TMEM120B: variants seen among roughly 807,000 people sequenced by gnomAD.
TMEM120B encodes transmembrane protein 120B.
A neutral mutation model predicts 55.5 loss-of-function variants in TMEM120B; 31 were observed. The observed-to-expected ratio is 0.56, with a 90% CI of 0.42 to 0.75. The LOEUF (loss-of-function observed/expected upper bound fraction) is 0.75, where lower values mean the gene tolerates loss of function less well. Ranked by LOEUF, TMEM120B falls within the 30% of genes least tolerant of loss-of-function variation. The probability of loss-of-function intolerance (pLI) is 0.00; values close to 1 mark genes in which losing one functional copy is unlikely to be tolerated. For missense variants in TMEM120B, 399 were observed against 425.5 expected (o/e 0.94, Z 0.55); for synonymous variants, 203 against 176.3 (o/e 1.15, Z -1.20).
Position 121,776,010 on chromosome 12 carries a change from C to T in TMEM120B, c.*288C>T. 1.7e-6 allele frequency: 1 copy of T among 592,192 alleles called. No homozygotes were observed. The highest frequency in any genetic ancestry group is 2.1e-5 in the South Asian group (1 of 48,548). 36.7% of individuals were successfully genotyped at this position (592,192 alleles called of 1,614,324 possible). On this transcript the variant is annotated 3_prime_UTR_variant, in exon 12 of 12. Coordinates refer to ENST00000449592, the MANE Select transcript of TMEM120B (RefSeq NM_001080825.2). ...CGGGCCAGTCTTCCTGGGGATGGGG[C>T]CTGAAGCCTCAGGGAGCCCCTCTGT...
At position 121,775,615 on chromosome 12, in the gene TMEM120B, G is replaced by A. The variant is rs1375456790; in HGVS notation, c.913G>A (p.Val305Ile). The A allele has an allele frequency of 1.2e-6, 2 of 1,613,510 alleles. No homozygotes were observed. Among genetic ancestry groups the A allele is most frequent in the Non-Finnish European group, 1.7e-6 (2 of 1,179,756 alleles). The part of the protein sequence containing the change: ...HEECREWQVF[V>I]LAFTFLILFL... Reference sequence around the variant, plus strand: ...CCTCTCTGGACTCCCCCAGGTGTTCGTACTGGCGTTCACCTTCCTCATCCT... The same window carrying A: ...CCTCTCTGGACTCCCCCAGGTGTTCATACTGGCGTTCACCTTCCTCATCCT... The change falls in exon 12 of 12, where the codon GTA becomes ATA. Residue 305 changes from valine to isoleucine, a missense_variant. Physicochemically the swap from Val to Ile is conservative, Grantham distance 29. Transcript: ENST00000449592. This position sits in a 1 kb window ranked among gnomAD's most constrained non-coding sequence, Gnocchi z 4.3.
At chr12:121,746,213 G>A (rs1180771647) in intron 2 of TMEM120B, among the ~76,000 whole-genome samples, 1 of 142,378 alleles carries the variant, frequency 7.0e-6, no homozygotes, top group South Asian at 2.2e-4. Flanking sequence ...TTGAGACAGA[G>A]TTTCGCTCTT....
Position 121,781,225 on chromosome 12 carries a change from G to C in TMEM120B, c.*5503G>C. On this transcript the variant is annotated 3_prime_UTR_variant, in exon 12 of 12. Coordinates refer to ENST00000449592, the MANE Select transcript of TMEM120B (RefSeq NM_001080825.2). ...CACAGAGCAGCGGGGGTCAGGGGAC[G>C]TCCCCTCCCTGTCTGGACTCTGACG... 1 of 1,589,854 alleles carries C rather than the reference G, an allele frequency of 6.3e-7. No individual in the cohort carries two copies. The highest frequency in any genetic ancestry group is 8.6e-7 in the Non-Finnish European group (1 of 1,158,836).
chr12:121,713,767 C>G (rs563518594), intron 1 of TMEM120B, among the ~76,000 whole-genome samples: 300 of 152,256 alleles, frequency 2.0e-3, no homozygotes, highest in African/African-American at 6.7e-3. Context: ...ACTAGAGACG[C>G]CTCAGGAAAC....
At chr12:121,720,857 T>C (rs1894778528) in intron 1 of TMEM120B, among the ~76,000 whole-genome samples, 1 of 152,196 alleles carries the variant, frequency 6.6e-6, no homozygotes, top group South Asian at 2.1e-4. Context: ...GCCAGAACCA[T>C]GTCTGTAAAT....
intron 2 of TMEM120B, among the ~76,000 whole-genome samples, chr12:121,745,151 G>C (rs1431119658): frequency 6.6e-6 from 1 of 152,142 alleles, no homozygotes; most frequent in African/African-American, 2.4e-5. Context: ...ATTGCCAGCT[G>C]TCCTCAGTTG....
At chr12:121,720,799 G>A (rs763790361) in intron 1 of TMEM120B, among the ~76,000 whole-genome samples, 1 of 152,168 alleles carries the variant, frequency 6.6e-6, no homozygotes, top group Non-Finnish European at 1.5e-5. Context: ...TGGCGGTATG[G>A]CCCTATTGCA....
intron 4 of TMEM120B, among the ~76,000 whole-genome samples, chr12:121,751,211 C>A (rs1224394728): frequency 1.6e-5 from 2 of 127,428 alleles, no homozygotes; most frequent in Non-Finnish European, 3.3e-5. Context: ...TATACTCACA[C>A]CCCACACCCA....
intron 6 of TMEM120B, among the ~76,000 whole-genome samples, chr12:121,762,474 G>A (rs1014193290): frequency 6.6e-6 from 1 of 152,162 alleles, no homozygotes; most frequent in African/African-American, 2.4e-5. Context: ...CTCTCACTGG[G>A]TCGCACTGGC....
chr12:121,760,292 C>CT (rs923790631), intron 5 of TMEM120B, among the ~76,000 whole-genome samples: 2 of 148,512 alleles, frequency 1.3e-5, no homozygotes, highest in African/African-American at 5.1e-5. Context: ...GAGACTCTGT[C>CT]TCAAAAAAAA....
chr12:121,763,405 G>A (rs945755197), intron 6 of TMEM120B, among the ~76,000 whole-genome samples: 66 of 151,776 alleles, frequency 4.3e-4, no homozygotes, highest in African/African-American at 1.5e-3. Context: ...CTCGTGATCC[G>A]CCCACCTCAG....
intron 6 of TMEM120B, among the ~76,000 whole-genome samples, chr12:121,764,160 C>CAAA (rs150917405): frequency 3.4e-5 from 4 of 117,984 alleles, no homozygotes; most frequent in African/African-American, 8.9e-5. Context: ...TCATCTTTAC[C>CAAA]AAAAAAAAAA....
At chr12:121,742,374 C>T (rs1316438584) in intron 1 of TMEM120B, among the ~76,000 whole-genome samples, 1 of 152,034 alleles carries the variant, frequency 6.6e-6, no homozygotes, top group African/African-American at 2.4e-5. Flanking sequence ...CACTGTTGGA[C>T]CATCCCCTTT....
rs1396552320 is a variant in TMEM120B, at chr12:121,737,798, C to T, written c.70-5831C>T. Among the ~76,000 whole-genome samples, 7 of 152,018 alleles carry T rather than the reference C, an allele frequency of 4.6e-5. No homozygotes were observed. In the East Asian group the frequency reaches 1.2e-3, roughly 25 times the overall value. On this transcript the variant is annotated intron_variant, in intron 1 of 11. Coordinates refer to ENST00000449592, the MANE Select transcript of TMEM120B (RefSeq NM_001080825.2). The stretch of plus-strand genomic sequence containing the variant: ...GCCAAAGTGGGCGCATCACTTGAGG[C>T]CAGGAGTTTGAGACCAGCCTAGTCA...
chr12:121,781,311 A>G lies in TMEM120B; in HGVS notation c.*5589A>G, dbSNP rs1421102063. On this transcript the variant is annotated 3_prime_UTR_variant, in exon 12 of 12. Coordinates refer to ENST00000449592, the MANE Select transcript of TMEM120B (RefSeq NM_001080825.2). ...TTAGGGCCTCAATTTCCTCATCTAT[A>G]CAATGGGCAGCAAGCCAGGAGTGCT... 2 of 827,688 alleles carry G rather than the reference A, an allele frequency of 2.4e-6. No homozygotes were observed. Among genetic ancestry groups the G allele is most frequent in the Non-Finnish European group, 3.8e-6 (2 of 522,604 alleles). 51.3% of individuals were successfully genotyped at this position (827,688 alleles called of 1,614,324 possible). A position where few individuals can be genotyped will look rare whatever the true frequency, so the allele number is the denominator to read the frequency against.
At chr12:121,722,108 T>TC in intron 1 of TMEM120B, among the ~76,000 whole-genome samples, 1 of 149,518 alleles carries the variant, frequency 6.7e-6, no homozygotes. Context: ...GCCTTTTTTT[T>TC]TTTTTTTTGA....
rs1200832607 is a variant in TMEM120B at position 121,712,824 on chromosome 12, G to C, written c.-72G>C. 1 of 1,192,098 alleles carries C rather than the reference G, an allele frequency of 8.4e-7. No individual in the cohort carries two copies. Among genetic ancestry groups the C allele is most frequent in the South Asian group, 2.6e-5 (1 of 37,834 alleles). 73.8% of individuals were successfully genotyped at this position (1,192,098 alleles called of 1,614,324 possible). On this transcript the variant is annotated 5_prime_UTR_variant, in exon 1 of 12. Coordinates refer to ENST00000449592, the MANE Select transcript of TMEM120B (RefSeq NM_001080825.2). ...GGGCGGTCGGCGAGCGCGCGGGCGTGGGGCGCTGGGGGGCCGGTCGGGCAG... is the reference window on the plus strand; with the variant it reads ...GGGCGGTCGGCGAGCGCGCGGGCGTCGGGCGCTGGGGGGCCGGTCGGGCAG...
chr12:121,758,304 C>G, intron 5 of TMEM120B: 2 of 985,502 alleles, frequency 2.0e-6, no homozygotes, highest in Non-Finnish European at 2.4e-6. Flanking sequence ...AATCCCCACA[C>G]AGCGGTCTGC....
At position 121,772,259 on chromosome 12, in the gene TMEM120B, G is replaced by A. The variant is rs150102221; in HGVS notation, c.679+710G>A. 6.1e-3 allele frequency among the ~76,000 whole-genome samples: 917 copies of A among 151,358 alleles called. 16 individuals carry two copies. The highest frequency in any genetic ancestry group is 0.035 in the East Asian group (179 of 5,110). On this transcript the variant is annotated intron_variant, in intron 8 of 11. Transcript: ENST00000449592. ...TTCTTCTGCCTCAGCCTCCCGGGTG[G>A]CTGGGACTACAGGTGCGCACCACCA...
Sources: gnomAD v4.1 joint callset for allele counts (sites outside exome capture counted in the v4.1 genomes callset) on GRCh38, gnomAD v4.1.1 for gene constraint, Gnocchi (gnomAD v3.1) non-coding constraint, MANE v1.5 for transcripts, NCBI Gene and HGNC (gene_info 2026-07-23, HGNC 2026-07-21) for gene names.